AUTS2: variants seen among roughly 807,000 people sequenced by gnomAD.
AUTS2 encodes activator of transcription and developmental regulator AUTS2, also known as autism susceptibility gene 2 protein.
In AUTS2, 17 loss-of-function variants were observed where a neutral mutation model predicts 112.4. The observed-to-expected ratio is 0.15, with a 90% confidence interval of 0.10 to 0.23. The LOEUF (loss-of-function observed/expected upper bound fraction) is 0.23, where lower values mean the gene tolerates loss of function less well. Ranked by LOEUF, AUTS2 falls within the 10% of genes least tolerant of loss-of-function variation. The pLI is 1.00. For synonymous variants in AUTS2, 751 were observed against 702.7 expected, an observed-to-expected ratio of 1.07 and a Z score of -1.09; for missense variants, 1,510 against 1,701.6, an observed-to-expected ratio of 0.89 and a Z score of 1.98.
intron 5 of AUTS2, among the ~76,000 whole-genome samples, chr7:70,458,550 G>A (rs59371241): frequency 3.9e-5 from 6 of 152,258 alleles, no homozygotes; most frequent in Admixed American, 6.5e-5. Context: ...CCAAGTGGCC[G>A]GGCTTTCTTA....
intron 2 of AUTS2, among the ~76,000 whole-genome samples, chr7:69,971,113 G>T (rs1208381870): frequency 1.3e-5 from 2 of 152,136 alleles, no homozygotes; most frequent in Non-Finnish European, 2.9e-5. Flanking sequence ...GGGAGGTCGA[G>T]GCTGCAGTGG....
At chr7:70,779,600 T>C (rs542724220) in intron 14 of AUTS2, among the ~76,000 whole-genome samples, 1 of 152,316 alleles carries the variant, frequency 6.6e-6, no homozygotes, top group Admixed American at 6.5e-5. Context: ...CCTCACGCCA[T>C]GCTCTGTCAA....
At chr7:69,796,812 G>A (rs1287744120) in intron 1 of AUTS2, among the ~76,000 whole-genome samples, 1 of 152,102 alleles carries the variant, frequency 6.6e-6, no homozygotes, top group African/African-American at 2.4e-5. Context: ...GTATAATTAA[G>A]AATATCAATT....
intron 1 of AUTS2, among the ~76,000 whole-genome samples, chr7:69,656,886 G>A (rs570629555): frequency 1.3e-5 from 2 of 152,222 alleles, no homozygotes; most frequent in South Asian, 2.1e-4. Context: ...TGACATTCAG[G>A]GCTCATGGAG....
At chr7:69,852,767 G>T (rs1022479868) in intron 1 of AUTS2, among the ~76,000 whole-genome samples, 9 of 151,960 alleles carry the variant, frequency 5.9e-5, no homozygotes. Context: ...CTTTTCTAAT[G>T]TTATCATTTA....
At chr7:70,351,383 T>G (rs1791755231) in intron 4 of AUTS2, among the ~76,000 whole-genome samples, 1 of 152,310 alleles carries the variant, frequency 6.6e-6, no homozygotes, top group East Asian at 1.9e-4. Flanking sequence ...GAGATGTATA[T>G]GTGTACACAC....
In AUTS2 at chr7:70,698,628, C is replaced by A. The variant is rs1193938021; in HGVS notation, c.742+8C>A. On this transcript the variant is annotated splice_region_variant and intron_variant, in intron 6 of 18. Transcript: ENST00000342771. ...CTGTTATTGTAAACAAAGGTAAGAC[C>A]CATTCATTCTCCTGAGTAATGGCTT... is the stretch of plus-strand genomic sequence containing the variant. 11 of 1,597,504 alleles carry A rather than the reference C, an allele frequency of 6.9e-6. No homozygotes were observed. The highest frequency in any genetic ancestry group is 3.3e-4 in the Middle Eastern group (2 of 6,050).
chr7:70,526,639 C>T (rs971477311), intron 5 of AUTS2, among the ~76,000 whole-genome samples: 3 of 152,206 alleles, frequency 2.0e-5, no homozygotes, highest in African/African-American at 7.2e-5. Flanking sequence ...CACTGCACTC[C>T]AGCCTGGGTG....
intron 5 of AUTS2, among the ~76,000 whole-genome samples, chr7:70,678,117 A>T (rs1484133536): frequency 6.6e-6 from 1 of 152,106 alleles, no homozygotes; most frequent in Non-Finnish European, 1.5e-5. Flanking sequence ...TAATAATTTT[A>T]GTAGGTTCTA....
chr7:70,155,205 G>C (rs1807677804), intron 4 of AUTS2, among the ~76,000 whole-genome samples: 1 of 152,182 alleles, frequency 6.6e-6, no homozygotes, highest in African/African-American at 2.4e-5. Context: ...GGGGAGAACA[G>C]TGAGGAAAAC....
intron 4 of AUTS2, among the ~76,000 whole-genome samples, chr7:70,239,486 A>G (rs897633703): frequency 6.6e-6 from 1 of 151,924 alleles, no homozygotes; most frequent in African/African-American, 2.4e-5. Flanking sequence ...CCCAGGCTGG[A>G]GTGCAATGGT....
intron 2 of AUTS2, among the ~76,000 whole-genome samples, chr7:69,922,210 C>G (rs1486372433): frequency 6.6e-6 from 1 of 152,228 alleles, no homozygotes; most frequent in Non-Finnish European, 1.5e-5. Flanking sequence ...TGCACGCAGT[C>G]TGTGAAAGGC....
At chr7:69,640,315 G>A (rs1023762916) in intron 1 of AUTS2, among the ~76,000 whole-genome samples, 1 of 152,186 alleles carries the variant, frequency 6.6e-6, no homozygotes, top group Non-Finnish European at 1.5e-5. Context: ...CTCCCCAGCC[G>A]GGGATGGAGG....
chr7:70,499,045 T>G (rs962188083), intron 5 of AUTS2, among the ~76,000 whole-genome samples: 4 of 152,128 alleles, frequency 2.6e-5, no homozygotes, highest in Non-Finnish European at 5.9e-5. Context: ...CATCTCTCTT[T>G]CAGCTCACTT....
chr7:70,484,205 C>T (rs920528079), intron 5 of AUTS2, among the ~76,000 whole-genome samples: 13 of 152,202 alleles, frequency 8.5e-5, no homozygotes, highest in Non-Finnish European at 1.2e-4. Context: ...AACCATCCAT[C>T]CTTTTCATTT....
intron 5 of AUTS2, among the ~76,000 whole-genome samples, chr7:70,599,388 G>A (rs374965258): frequency 2.7e-4 from 41 of 152,190 alleles, no homozygotes; most frequent in African/African-American, 8.7e-4. Flanking sequence ...TCGACCTGAT[G>A]GCTCATAGAG....
intron 1 of AUTS2, among the ~76,000 whole-genome samples, chr7:69,629,926 A>G (rs1794148667): frequency 6.6e-6 from 1 of 151,982 alleles, no homozygotes; most frequent in Non-Finnish European, 1.5e-5. Flanking sequence ...AAATTGAGGC[A>G]CTGAATCAGG....
chr7:70,241,484 G>GT (rs1295432982), intron 4 of AUTS2, among the ~76,000 whole-genome samples: 1 of 151,826 alleles, frequency 6.6e-6, no homozygotes, highest in Non-Finnish European at 1.5e-5. Context: ...CTTTTTTGAA[G>GT]TTTTTTTTAA....
At chr7:69,651,139 G>C (rs1038450201) in intron 1 of AUTS2, among the ~76,000 whole-genome samples, 1 of 152,206 alleles carries the variant, frequency 6.6e-6, no homozygotes, top group Non-Finnish European at 1.5e-5. Flanking sequence ...TAGTAGTGTC[G>C]TGAGGACTGC....
Sources: gnomAD v4.1 joint callset for allele counts (sites outside exome capture counted in the v4.1 genomes callset) on GRCh38, gnomAD v4.1.1 for gene constraint, MANE v1.5 for transcripts, NCBI Gene and HGNC (gene_info 2026-07-23, HGNC 2026-07-21) for gene names.